Variants in ZNF10 observed in about 807,000 individuals in gnomAD.
ZNF10 encodes zinc finger protein 10.
A neutral mutation model predicts 12.2 loss-of-function variants in ZNF10; 8 were observed. The ratio of observed to expected loss-of-function variants is 0.66; its 90% CI spans 0.39 to 1.18. The LOEUF (loss-of-function observed/expected upper bound fraction) is 1.18, where lower values mean the gene tolerates loss of function less well. ZNF10 is among the 50% of genes most tolerant of loss of function. The pLI is 0.01. For synonymous variants in ZNF10, 229 were observed against 228.2 expected, an observed-to-expected ratio of 1.00 and a Z score of -0.03; for missense variants, 603 against 678.9, an observed-to-expected ratio of 0.89 and a Z score of 1.24.
intron 1 of ZNF10, among the ~76,000 whole-genome samples, chr12:133,140,320 G>A (rs1466912635): frequency 2.0e-5 from 3 of 151,518 alleles, no homozygotes; most frequent in African/African-American, 7.3e-5. Context: ...TGAGGCCACG[G>A]TAAGCTATGA....
chr12:133,136,731 T>C (rs1203713831), intron 1 of ZNF10, among the ~76,000 whole-genome samples: 1 of 152,204 alleles, frequency 6.6e-6, no homozygotes, highest in Non-Finnish European at 1.5e-5. Flanking sequence ...GACTCCTTTA[T>C]TCATGTGTTT....
chr12:133,144,450 C>G lies in ZNF10; in HGVS notation c.-43C>G, dbSNP rs780894426. 2 of 1,607,514 alleles carry G rather than the reference C, an allele frequency of 1.2e-6. No individual in the cohort carries two copies. The highest frequency in any genetic ancestry group is 2.2e-5 in the East Asian group (1 of 44,794). On this transcript the variant is annotated 5_prime_UTR_variant, in exon 2 of 5. Transcript: ENST00000248211. Reference sequence around the variant, plus strand: ...TTTTCCCAGCTTTGTCTCCTCAGCACTCTGCTGTCACTCAAGGAAGTATCA... The same window carrying G: ...TTTTCCCAGCTTTGTCTCCTCAGCAGTCTGCTGTCACTCAAGGAAGTATCA...
intron 1 of ZNF10, chr12:133,144,110 A>G (rs1955961973): frequency 6.3e-6 from 1 of 159,184 alleles, no homozygotes; most frequent in Non-Finnish European, 1.4e-5. Context: ...CTGTAAAGTG[A>G]GACTATTTGA....
In ZNF10 at chr12:133,151,030, A is replaced by G. The variant is rs965674323; in HGVS notation, c.36A>G (p.Thr12=). The change falls in exon 3 of 5, where the codon ACA becomes ACG. Residue 12 remains threonine, a splice_region_variant and synonymous_variant. Coordinates refer to ENST00000248211, the MANE Select transcript of ZNF10 (RefSeq NM_015394.5). The part of the protein sequence containing the change: ...DAKSLTAWSR[T]LVTFKDVFVD... ...TGCAAATGTGTTTGATGTTGTAGAC[A>G]CTGGTGACCTTCAAGGATGTATTTG... 3.7e-6 allele frequency: 6 copies of G among 1,612,684 alleles called. No homozygotes were observed. The highest frequency in any genetic ancestry group is 2.7e-5 in the African/African-American group (2 of 74,912).
At position 133,147,740 on chromosome 12, in the gene ZNF10, C is replaced by T. The variant is rs560076300; in HGVS notation, c.33+3215C>T. On this transcript the variant is annotated intron_variant, in intron 2 of 4. Transcript: ENST00000248211. ...AAGCAATTCTCCTGCCTTAGCCTCC[C>T]GAGTAGCTGGGACTACAGGTGCATG... is the stretch of plus-strand genomic sequence containing the variant. 4.0e-5 allele frequency among the ~76,000 whole-genome samples: 6 copies of T among 151,600 alleles called. No homozygotes were observed. The South Asian group carries it at 1.0e-3, about 26-fold the overall frequency.
At chr12:133,132,136 A>G (rs2137635175) in intron 1 of ZNF10, among the ~76,000 whole-genome samples, 1 of 152,364 alleles carries the variant, frequency 6.6e-6, no homozygotes, top group Non-Finnish European at 1.5e-5. Flanking sequence ...AATTTTAGCT[A>G]GAAATATATG....
intron 2 of ZNF10, 84 bp downstream of exon 2, chr12:133,144,609 C>A: frequency 7.3e-7 from 1 of 1,361,684 alleles, no homozygotes; most frequent in South Asian, 1.2e-5. Flanking sequence ...GAAATTATAT[C>A]TTCTTCTCCA....
chr12:133,157,020 ACTC>A lies in ZNF10; in HGVS notation c.*55_*57del, dbSNP rs1956047169. 4 of 1,358,142 alleles carry A rather than the reference ACTC, an allele frequency of 2.9e-6. No individual in the cohort carries two copies. The highest frequency in any genetic ancestry group is 5.5e-5 in the Admixed American group (2 of 36,376). 84.1% of individuals were successfully genotyped at this position (1,358,142 alleles called of 1,614,324 possible). The stretch of plus-strand genomic sequence containing the variant: ...CAATGACTTTATTTTGCATTGGAGA[ACTC>A]CTGGAGATAAGCTGTACAAATTGAA... On this transcript the variant is annotated 3_prime_UTR_variant, in exon 5 of 5. Transcript: ENST00000248211.
intron 1 of ZNF10, among the ~76,000 whole-genome samples, chr12:133,134,278 A>G (rs908239689): frequency 6.6e-6 from 1 of 151,952 alleles, no homozygotes; most frequent in East Asian, 1.9e-4. Flanking sequence ...GCTTCACTGC[A>G]CTCCAGCCTG....
chr12:133,135,014 C>A (rs1233721456), intron 1 of ZNF10, among the ~76,000 whole-genome samples: 2 of 152,168 alleles, frequency 1.3e-5, no homozygotes, highest in Non-Finnish European at 2.9e-5. Flanking sequence ...CTCTTCATGT[C>A]TGTGGTACTA....
At chr12:133,131,822 A>G (rs954362322) in intron 1 of ZNF10, among the ~76,000 whole-genome samples, 14 of 152,240 alleles carry the variant, frequency 9.2e-5, no homozygotes, top group Non-Finnish European at 1.8e-4. Flanking sequence ...GATTTGAGAT[A>G]CACATCATAA....
chr12:133,133,582 G>A (rs1315851018), intron 1 of ZNF10, among the ~76,000 whole-genome samples: 2 of 152,194 alleles, frequency 1.3e-5, no homozygotes, highest in Admixed American at 6.5e-5. Context: ...GTTTACGGAT[G>A]ATAGAACCAC....
chr12:133,131,858 G>A (rs965386135), intron 1 of ZNF10, among the ~76,000 whole-genome samples: 1 of 152,016 alleles, frequency 6.6e-6, no homozygotes, highest in South Asian at 2.1e-4. Flanking sequence ...CTGCTTATCA[G>A]TATTTTATAT....
chr12:133,130,852 T>G (rs572804581), intron 1 of ZNF10, 98 bp downstream of exon 1: 1 of 152,326 alleles, frequency 6.6e-6, no homozygotes, highest in East Asian at 1.9e-4. Flanking sequence ...TATTTCTAGG[T>G]AGACGGTAAT....
Position 133,155,627 on chromosome 12 carries a change from A to G in ZNF10, c.381A>G (p.Glu127=), listed in dbSNP as rs1416078195. 3 of 1,614,096 alleles carry G rather than the reference A, an allele frequency of 1.9e-6. No homozygotes were observed. The highest frequency in any genetic ancestry group is 1.1e-5 in the South Asian group (1 of 91,068). ...ARNDLWYLSL[E]EVWKCRDQLD... is the part of the protein sequence containing the mutation. ...ATGATCTCTGGTATTTGTCATTAGAAGAAGTCTGGAAATGTAGAGACCAGT... is the reference window on the plus strand; with the variant it reads ...ATGATCTCTGGTATTTGTCATTAGAGGAAGTCTGGAAATGTAGAGACCAGT... Residue 127 remains glutamate (E), a synonymous_variant, in exon 5 of 5, where the codon GAA becomes GAG. Transcript: ENST00000248211.
At chr12:133,152,848 G>T (rs1956017074) in intron 4 of ZNF10, among the ~76,000 whole-genome samples, 1 of 152,146 alleles carries the variant, frequency 6.6e-6, no homozygotes, top group South Asian at 2.1e-4. Context: ...TCTTTCCCAT[G>T]AAGGCTTTTA....
In ZNF10 at chr12:133,139,586, G is replaced by A. The variant is rs74911598; in HGVS notation, c.-59-4848G>A. On this transcript the variant is annotated intron_variant, in intron 1 of 4. Coordinates refer to ENST00000248211, the MANE Select transcript of ZNF10 (RefSeq NM_015394.5). ...ATGATGTTGCTGCAAACACTCATTG[G>A]AGTGAGAGAGACCAAAGGCAAAGAA... Among the ~76,000 whole-genome samples the A allele has an allele frequency of 8.1e-3, 1,240 of 152,266 alleles. 16 individuals are homozygous for A. Among genetic ancestry groups the A allele is most frequent in the African/African-American group, 0.029 (1,202 of 41,548 alleles).
chr12:133,155,089 A>AG (rs955767549), intron 4 of ZNF10, among the ~76,000 whole-genome samples: 2 of 152,066 alleles, frequency 1.3e-5, no homozygotes, highest in Admixed American at 6.5e-5. Flanking sequence ...AAAAAAAAAA[A>AG]AGAGAGAGAA....
chr12:133,140,786 G>C (rs2135459331), intron 1 of ZNF10, among the ~76,000 whole-genome samples: 1 of 151,900 alleles, frequency 6.6e-6, no homozygotes, highest in South Asian at 2.1e-4. Flanking sequence ...TATATTGTTT[G>C]CTCTGTCTTC....
Sources: allele counts gnomAD v4.1 joint callset (sites outside exome capture counted in the v4.1 genomes callset), GRCh38; gene constraint gnomAD v4.1.1; transcripts MANE v1.5; gene names NCBI Gene and HGNC (gene_info 2026-07-23, HGNC 2026-07-21).